Variants in ZMYND11 observed in about 807,000 individuals in gnomAD.
ZMYND11 encodes zinc finger MYND domain-containing protein 11.
In ZMYND11, 9 loss-of-function variants were observed where a neutral mutation model predicts 84.9. The observed-to-expected ratio is 0.11, with a 90% CI of 0.06 to 0.18. The LOEUF (loss-of-function observed/expected upper bound fraction) is 0.18. Among genes scored for constraint, ZMYND11 ranks in the 10% least tolerant of loss-of-function variants. The probability of loss-of-function intolerance (pLI) is 1.00; values close to 1 mark genes in which losing one functional copy is unlikely to be tolerated. For missense variants in ZMYND11, 409 were observed against 761.0 expected (o/e 0.54, Z 5.44); for synonymous variants, 250 against 244.1 (o/e 1.02, Z -0.23).
chr10:182,799 T>C (rs985389685), intron 2 of ZMYND11, among the ~76,000 whole-genome samples: 6 of 152,198 alleles, frequency 3.9e-5, no homozygotes, highest in Non-Finnish European at 7.4e-5. Flanking sequence ...GGAAGTAGCA[T>C]TGCATTATGG....
At chr10:199,254 GCT>G (rs1175163847) in intron 2 of ZMYND11, among the ~76,000 whole-genome samples, 2 of 136,264 alleles carry the variant, frequency 1.5e-5, no homozygotes, top group Non-Finnish European at 3.1e-5. Context: ...CCCCTCGCTC[GCT>G]CTCTCTCCCC....
In ZMYND11 at chr10:186,103, G is replaced by A. The variant is rs181657730; in HGVS notation, c.116+5975G>A. On this transcript the variant is annotated intron_variant, in intron 2 of 14. Coordinates refer to ENST00000381604, the MANE Select transcript of ZMYND11 (RefSeq NM_001370100.5). ...CGGCTCACTGCAAGCTCCGCCTCCC[G>A]GGTTCACACCATTCTCCTGCCTCAG... Among the ~76,000 whole-genome samples, 679 of 151,194 alleles carry A rather than the reference G, an allele frequency of 4.5e-3. 5 individuals are homozygous for A. The highest frequency in any genetic ancestry group is 0.016 in the African/African-American group (656 of 41,302).
intron 13 of ZMYND11, 141 bp from the exon 14 acceptor site, chr10:248,762 C>T (rs1952729178): frequency 1.4e-6 from 2 of 1,386,990 alleles, no homozygotes; most frequent in South Asian, 3.0e-5. Flanking sequence ...AATAATGATA[C>T]TTTCCTCACC....
chr10:156,466 T>C (rs1841746718), intron 1 of ZMYND11, among the ~76,000 whole-genome samples: 1 of 152,238 alleles, frequency 6.6e-6, no homozygotes, highest in Non-Finnish European at 1.5e-5. Flanking sequence ...CAAACCTTAC[T>C]GTATTTTGGT....
chr10:208,472 A>G (rs544315360), intron 2 of ZMYND11, among the ~76,000 whole-genome samples: 1 of 152,334 alleles, frequency 6.6e-6, no homozygotes, highest in Non-Finnish European at 1.5e-5. Context: ...CCCAACAAAA[A>G]GTGGACGAAG....
At chr10:131,690 ATT>A (rs554115988), upstream of ZMYND11, among the ~76,000 whole-genome samples, 1 of 144,276 alleles carries the variant, frequency 6.9e-6, no homozygotes. Context: ...ACATCTGGCT[ATT>A]TTTTTTTTTT....
intron 2 of ZMYND11, among the ~76,000 whole-genome samples, chr10:201,164 G>T (rs940776498): frequency 2.6e-5 from 4 of 151,998 alleles, no homozygotes; most frequent in Middle Eastern, 3.2e-3. Context: ...GGGCCATAAG[G>T]TACTGAAATT....
At chr10:148,846 G>A (rs1006579363) in intron 1 of ZMYND11, 4 of 152,118 alleles carry the variant, frequency 2.6e-5, no homozygotes, top group Non-Finnish European at 4.4e-5. Flanking sequence ...CTGTCTTCCG[G>A]GTTAGACCTT....
At chr10:238,149 C>T (rs1950282830) in intron 6 of ZMYND11, among the ~76,000 whole-genome samples, 1 of 152,064 alleles carries the variant, frequency 6.6e-6, no homozygotes, top group South Asian at 2.1e-4. Context: ...TTAATTTTAC[C>T]AACTATAGCT....
chr10:221,035 CA>C (rs1316670482), intron 3 of ZMYND11, among the ~76,000 whole-genome samples, 159 bp from the exon 4 acceptor site: 4 of 152,106 alleles, frequency 2.6e-5, no homozygotes, highest in African/African-American at 4.8e-5. Context: ...AAATTTAAAG[CA>C]GCAACTTTCT....
chr10:234,209 G>A (rs367591494), intron 4 of ZMYND11, among the ~76,000 whole-genome samples: 5 of 152,328 alleles, frequency 3.3e-5, no homozygotes, highest in African/African-American at 1.2e-4. Context: ...ACGTGAAAGC[G>A]CAGAAAGGAA....
chr10:202,899 C>T (rs1258699406), intron 2 of ZMYND11, among the ~76,000 whole-genome samples: 2 of 151,680 alleles, frequency 1.3e-5, no homozygotes, highest in Non-Finnish European at 2.9e-5. Context: ...TTCTTAGTGG[C>T]TAAGAAAACC....
Position 135,553 on chromosome 10 carries a change from CA to C in ZMYND11, c.-25del, listed in dbSNP as rs1835756262. The stretch of plus-strand genomic sequence containing the variant: ...GGCGGCGGCGGTGGAGGAGCCGGAG[CA>C]TAATGGTGGGGAAAGCTCGGCGGCG... On this transcript the variant is annotated 5_prime_UTR_variant, in exon 1 of 15. Transcript: ENST00000381604. This position sits in a 1 kb window ranked among gnomAD's most constrained non-coding sequence, Gnocchi z 5.6. 6.6e-6 allele frequency: 1 copy of C among 150,496 alleles called. No individual in the cohort carries two copies. Among genetic ancestry groups the C allele is most frequent in the Non-Finnish European group, 1.5e-5 (1 of 67,866 alleles). 9.3% of individuals were successfully genotyped at this position (150,496 alleles called of 1,614,324 possible).
intron 2 of ZMYND11, among the ~76,000 whole-genome samples, chr10:204,193 T>TC (rs1943737045): frequency 6.6e-6 from 1 of 152,170 alleles, no homozygotes; most frequent in Non-Finnish European, 1.5e-5. Flanking sequence ...CTTTCCTAGG[T>TC]TAGATAACCA....
upstream of ZMYND11, among the ~76,000 whole-genome samples, chr10:130,173 G>A (rs1835284754): frequency 6.6e-6 from 1 of 152,114 alleles, no homozygotes; most frequent in Non-Finnish European, 1.5e-5. Flanking sequence ...AAACCTAAGA[G>A]AGTCAACACA....
chr10:196,345 G>A lies in ZMYND11; in HGVS notation c.117-13544G>A, dbSNP rs564174232. Among the ~76,000 whole-genome samples the A allele has an allele frequency of 8.5e-5, 13 of 152,240 alleles. 1 individual carries two copies. Among genetic ancestry groups the A allele is most frequent in the Non-Finnish European group, 1.3e-4 (9 of 68,012 alleles). ...GTGTTATCAAGAGGAATTTTATATC[G>A]AAGTGAAAGAGAAGACCTAGTTATT... is the stretch of plus-strand genomic sequence containing the variant. On this transcript the variant is annotated intron_variant, in intron 2 of 14. Transcript: ENST00000381604.
At chr10:237,416 G>A (rs1950168522) in intron 5 of ZMYND11, among the ~76,000 whole-genome samples, 169 bp from the exon 6 acceptor site, 1 of 152,218 alleles carries the variant, frequency 6.6e-6, no homozygotes, top group South Asian at 2.1e-4. Flanking sequence ...GCCAAGGCAG[G>A]AGGATTGCTT....
intron 9 of ZMYND11, among the ~76,000 whole-genome samples, chr10:241,457 C>T (rs1950900789): frequency 6.6e-6 from 1 of 152,236 alleles, no homozygotes; most frequent in African/African-American, 2.4e-5. Context: ...GGATTACAGG[C>T]ATGAGCCACC....
At chr10:131,103 G>A (rs782062662), upstream of ZMYND11, among the ~76,000 whole-genome samples, 6 of 152,066 alleles carry the variant, frequency 3.9e-5, no homozygotes, top group Non-Finnish European at 8.8e-5. Flanking sequence ...GTGACAGAGT[G>A]AGCCCTATCT....
Sources: gnomAD v4.1 joint callset for allele counts (sites outside exome capture counted in the v4.1 genomes callset) on GRCh38, gnomAD v4.1.1 for gene constraint, Gnocchi (gnomAD v3.1) non-coding constraint, MANE v1.5 for transcripts, NCBI Gene and HGNC (gene_info 2026-07-23, HGNC 2026-07-21) for gene names.